The following WASF1 variants were observed in gnomAD, a reference collection of about 807,000 sequenced individuals.
The protein encoded by WASF1 is WASP family member 1.
Under a neutral mutation model 50.5 loss-of-function variants are expected in WASF1, and 7 were observed. The observed-to-expected ratio is 0.14, with a 90% CI of 0.08 to 0.26. WASF1 has a LOEUF of 0.26. Among genes scored for constraint, WASF1 ranks in the 10% least tolerant of loss-of-function variants. The pLI is 1.00. For synonymous variants in WASF1, 205 were observed against 244.0 expected (o/e 0.84, Z 1.49); for missense variants, 470 against 694.7 (o/e 0.68, Z 3.64).
intron 6 of WASF1, among the ~76,000 whole-genome samples, chr6:110,108,019 C>T (rs529892653): frequency 6.0e-5 from 9 of 149,562 alleles, no homozygotes; most frequent in African/African-American, 1.7e-4. Context: ...AAAATTTAGC[C>T]GGGCTTGGTG....
intron 4 of WASF1, among the ~76,000 whole-genome samples, chr6:110,126,709 C>G (rs1427101636): frequency 6.6e-6 from 1 of 152,172 alleles, no homozygotes; most frequent in Non-Finnish European, 1.5e-5. Flanking sequence ...AAAGCTAATC[C>G]TTCAATGCAA....
chr6:110,132,408 C>A (rs1254735101), intron 3 of WASF1, among the ~76,000 whole-genome samples: 1 of 151,484 alleles, frequency 6.6e-6, no homozygotes, highest in African/African-American at 2.4e-5. Context: ...AGGATGATGG[C>A]AAACATCCTT....
At chr6:110,138,029 G>A (rs1002372120) in intron 3 of WASF1, among the ~76,000 whole-genome samples, 2 of 152,220 alleles carry the variant, frequency 1.3e-5, no homozygotes, top group Non-Finnish European at 2.9e-5. Context: ...CTGGCAGGCT[G>A]CGCAGCTCAT....
intron 3 of WASF1, among the ~76,000 whole-genome samples, chr6:110,143,829 A>G (rs533755881): frequency 6.6e-6 from 1 of 152,320 alleles, no homozygotes; most frequent in East Asian, 1.9e-4. Flanking sequence ...AATGTTAACT[A>G]AAAAATTATA....
rs138494962 is a variant in WASF1, at chr6:110,128,072, G to T, written c.-28-443C>A. ...TTTGGAAAGTCAGAAGTTACACACA[G>T]ATTTTCAGCAATGCAGAGGGTTGGT... On this transcript the variant is annotated intron_variant, in intron 3 of 10. Transcript: ENST00000392589. Among the ~76,000 whole-genome samples the T allele has an allele frequency of 5.3e-5, 8 of 152,086 alleles. No homozygotes were observed. The East Asian group carries it at 1.5e-3, about 29-fold the overall frequency.
chr6:110,132,305 C>G (rs1477524554), intron 3 of WASF1, among the ~76,000 whole-genome samples: 2 of 151,814 alleles, frequency 1.3e-5, no homozygotes, highest in Admixed American at 1.3e-4. Flanking sequence ...TTCCTCCATT[C>G]TAATCCATTT....
At chr6:110,100,945 C>T (rs917683083) in intron 10 of WASF1, among the ~76,000 whole-genome samples, 3 of 152,124 alleles carry the variant, frequency 2.0e-5, no homozygotes, top group African/African-American at 7.2e-5. Context: ...CTGCTCACCA[C>T]CCCCTAAAAA....
At chr6:110,104,852 A>T (rs1456540657) in intron 8 of WASF1, among the ~76,000 whole-genome samples, 2 of 152,192 alleles carry the variant, frequency 1.3e-5, no homozygotes, top group Non-Finnish European at 2.9e-5. Context: ...ATGCCAGTTT[A>T]ATGTGTTTGC....
chr6:110,101,440 T>C (rs1773079363), intron 10 of WASF1, 148 bp downstream of exon 10: 1 of 903,262 alleles, frequency 1.1e-6, no homozygotes, highest in Non-Finnish European at 1.6e-6. Flanking sequence ...TAAATATAAG[T>C]TGGATATAGC....
At chr6:110,106,494 T>C (rs1281048581) in intron 7 of WASF1, among the ~76,000 whole-genome samples, 1 of 152,226 alleles carries the variant, frequency 6.6e-6, no homozygotes, top group Admixed American at 6.5e-5. Context: ...AATCTAACTT[T>C]GCTTCATCCT....
intron 2 of WASF1, among the ~76,000 whole-genome samples, chr6:110,171,995 G>A (rs748219095): frequency 1.1e-4 from 16 of 152,056 alleles, no homozygotes; most frequent in African/African-American, 3.9e-4. Context: ...ATCATCTCAC[G>A]CCAGTTAGAA....
chr6:110,153,507 G>T (rs1775916430), intron 3 of WASF1, among the ~76,000 whole-genome samples: 1 of 152,120 alleles, frequency 6.6e-6, no homozygotes, highest in South Asian at 2.1e-4. Context: ...ATTTCTCACT[G>T]TATCCTCACC....
In WASF1 at chr6:110,100,730, G is replaced by T. The variant is rs565551426; in HGVS notation, c.1523-51C>A. The T allele has an allele frequency of 3.3e-5, 47 of 1,435,658 alleles. No homozygotes were observed. The South Asian group carries it at 6.6e-4, about 20-fold the overall frequency. 88.9% of individuals were successfully genotyped at this position (1,435,658 alleles called of 1,614,324 possible). On this transcript the variant is annotated intron_variant, in intron 10 of 10. Transcript: ENST00000392589. ...ATTTAAATCAAAATACTAGATACTA[G>T]ATATTATTAATATTTCTGGAATAAA... is the stretch of plus-strand genomic sequence containing the variant.
At chr6:110,128,792 G>C (rs1426708387) in intron 3 of WASF1, among the ~76,000 whole-genome samples, 1 of 152,200 alleles carries the variant, frequency 6.6e-6, no homozygotes, top group Admixed American at 6.5e-5. Context: ...GAGGTGGGCG[G>C]TAGGTGAGCA....
At chr6:110,174,152 G>A (rs1249084796) in intron 2 of WASF1, among the ~76,000 whole-genome samples, 3 of 152,060 alleles carry the variant, frequency 2.0e-5, no homozygotes, top group Non-Finnish European at 4.4e-5. Context: ...AGCTTTAACT[G>A]TTTCACCTGT....
intron 3 of WASF1, among the ~76,000 whole-genome samples, chr6:110,148,329 A>G (rs1433363661): frequency 2.0e-5 from 3 of 152,106 alleles, no homozygotes; most frequent in Admixed American, 6.6e-5. Context: ...AGCAAAACCA[A>G]ACAATCCCCC....
At chr6:110,151,378 C>T (rs1775816279) in intron 3 of WASF1, among the ~76,000 whole-genome samples, 1 of 152,030 alleles carries the variant, frequency 6.6e-6, no homozygotes, top group African/African-American at 2.4e-5. Flanking sequence ...AATCTTTGGC[C>T]ACAAATAACT....
chr6:110,108,222 T>C, intron 6 of WASF1, among the ~76,000 whole-genome samples: 1 of 151,928 alleles, frequency 6.6e-6, no homozygotes. Context: ...TTTTGAGCTT[T>C]TTCCATTTGA....
At chr6:110,165,300 C>G (rs1012200356) in intron 2 of WASF1, among the ~76,000 whole-genome samples, 3 of 151,602 alleles carry the variant, frequency 2.0e-5, no homozygotes, top group African/African-American at 2.4e-5. Context: ...TGGGAACTCT[C>G]TGTACTTTCT....
Sources: gnomAD v4.1 joint callset for allele counts (sites outside exome capture counted in the v4.1 genomes callset) on GRCh38, gnomAD v4.1.1 for gene constraint, MANE v1.5 for transcripts, NCBI Gene and HGNC (gene_info 2026-07-23, HGNC 2026-07-21) for gene names.